WDR62: variants seen among roughly 807,000 people sequenced by gnomAD.
WDR62 encodes the protein WD repeat-containing protein 62.
Under a neutral mutation model 160.6 loss-of-function variants are expected in WDR62, and 112 were observed. That is an observed-to-expected ratio of 0.70 (90% CI 0.60 to 0.82). The LOEUF (loss-of-function observed/expected upper bound fraction) is 0.82, where lower values mean the gene tolerates loss of function less well. WDR62 is among the 40% of genes least tolerant of loss of function. The pLI is 0.00. For synonymous variants in WDR62, 792 were observed against 815.1 expected, an observed-to-expected ratio of 0.97 and a Z score of 0.48; for missense variants, 1,819 against 1,983.8, an observed-to-expected ratio of 0.92 and a Z score of 1.58.
chr19:36,109,010 G>T (rs576515004), downstream of WDR62, among the ~76,000 whole-genome samples: 26 of 152,226 alleles, frequency 1.7e-4, no homozygotes, highest in African/African-American at 6.0e-4. Flanking sequence ...TCCAGGTGAA[G>T]AAACCGAGGC....
rs1409862312 is a variant in WDR62, at chr19:36,101,602, C to T, written c.2972-62C>T. 5 of 1,322,130 alleles carry T rather than the reference C, an allele frequency of 3.8e-6. No homozygotes were observed. In the African/African-American group the frequency reaches 5.8e-5, roughly 15 times the overall value. The allele number at this position is 1,322,130 out of a possible 1,614,324, so 81.9% of individuals were successfully genotyped here. A position where few individuals can be genotyped will look rare whatever the true frequency, so the allele number is the denominator to read the frequency against. The stretch of plus-strand genomic sequence containing the variant: ...GAAACTGAGCCCAGGGAAGGGTAGC[C>T]CTGGCCCTGGCTCACCAGAATGGTC... On this transcript the variant is annotated intron_variant, in intron 24 of 31. Coordinates refer to ENST00000401500, the MANE Select transcript of WDR62 (RefSeq NM_001083961.2).
At chr19:36,081,129 G>A (rs555148372) in intron 9 of WDR62, among the ~76,000 whole-genome samples, 17 of 152,290 alleles carry the variant, frequency 1.1e-4, no homozygotes, top group Non-Finnish European at 2.4e-4. Context: ...AGACTCTGTT[G>A]CTTCTGCTGC....
chr19:36,103,773 C>T lies in WDR62; in HGVS notation c.3945C>T (p.Thr1315=). ...CDGLLQPPVD[T]QPGVTVPAVS... ...GGCTCCTGCAGCCCCCCGTGGATAC[C>T]CAGCCTGGCGTCACCGTCCCTGCAG... Residue 1315 remains threonine (T), a synonymous_variant, in exon 30 of 32, where the codon ACC becomes ACT. Transcript: ENST00000401500. The T allele has an allele frequency of 6.2e-7, 1 of 1,610,706 alleles. No individual in the cohort carries two copies.
Position 36,067,403 on chromosome 19 carries a change from A to T in WDR62, c.659A>T (p.His220Leu). ...SSYFVTVGNR[H>L]VRFWFLEVST... ...TATTTTGTCACTGTTGGGAACCGCC[A>T]TGTGAGGTTCTGGTTCTTGGAAGTC... The change falls in exon 6 of 32, where the codon CAT (histidine) becomes CTT (leucine). Residue 220 changes from histidine to leucine, a missense_variant. Around this residue, in one of 3 missense-constraint regions of WDR62, gnomAD observed 934 missense variants for 1,157.2 expected, o/e 0.81. Transcript: ENST00000401500. 1 of 1,614,174 alleles carries T rather than the reference A, an allele frequency of 6.2e-7. No individual in the cohort carries two copies. The highest frequency in any genetic ancestry group is 1.7e-5 in the Admixed American group (1 of 60,034).
At chr19:36,060,245 G>A in intron 3 of WDR62, 1 of 604,718 alleles carries the variant, frequency 1.7e-6, no homozygotes, top group Non-Finnish European at 3.0e-6. Flanking sequence ...GAGCGAGACA[G>A]ACTGTAAACT....
Position 36,103,076 on chromosome 19 carries a change from T to G in WDR62, c.3462+2T>G. 2.5e-6 allele frequency: 4 copies of G among 1,613,986 alleles called. No homozygotes were observed. Among genetic ancestry groups the G allele is most frequent in the Non-Finnish European group, 3.4e-6 (4 of 1,180,020 alleles). ...TACGCCTCCCCAGACAGGACCCACG[T>G]GAGTATTGGGCCCACCTCCGTCAGG... is the stretch of plus-strand genomic sequence containing the variant. On this transcript the variant is annotated splice_donor_variant, in intron 28 of 31. Coordinates refer to ENST00000401500, the MANE Select transcript of WDR62 (RefSeq NM_001083961.2). LOFTEE classifies it high-confidence loss of function.
chr19:36,089,895 A>T (rs1441828681), intron 15 of WDR62, among the ~76,000 whole-genome samples: 1 of 152,178 alleles, frequency 6.6e-6, no homozygotes, highest in Non-Finnish European at 1.5e-5. Context: ...TTCCCTGAGC[A>T]CCTAACTGGG....
At chr19:36,095,009 T>TTAA (rs1377779622) in intron 20 of WDR62, among the ~76,000 whole-genome samples, 1 of 152,168 alleles carries the variant, frequency 6.6e-6, no homozygotes, top group Non-Finnish European at 1.5e-5. Flanking sequence ...CCAGCCTGAA[T>TTAA]AATAGAGTGA....
At position 36,089,248 on chromosome 19, in the gene WDR62, A is replaced by G; in HGVS notation, c.1900A>G (p.Met634Val). The G allele has an allele frequency of 6.2e-7, 1 of 1,614,184 alleles. No individual in the cohort carries two copies. The highest frequency in any genetic ancestry group is 8.5e-7 in the Non-Finnish European group (1 of 1,180,024). ...AGCAGAGAAAACCACCTTGTATGAC[A>G]TGGACATTGACATCACCCAGAAGTA... ...HVAEKTTLYD[M>V]DIDITQKYVA... The change falls in exon 15 of 32, where the codon ATG becomes GTG. Residue 634 changes from methionine (M) to valine (V), a missense_variant. Met to Val is a conservative substitution (Grantham distance 21). This residue lies in a region of WDR62 where 934 missense variants were observed against 1,157.2 expected (regional missense o/e 0.81). Transcript: ENST00000401500.
chr19:36,101,038 G>A (rs1000335593), intron 23 of WDR62, among the ~76,000 whole-genome samples, 163 bp downstream of exon 23: 2 of 152,176 alleles, frequency 1.3e-5, no homozygotes, highest in Non-Finnish European at 1.5e-5. Context: ...GGTTCCAGGT[G>A]GGGTACAGGA....
chr19:36,096,917 C>A, intron 20 of WDR62, 110 bp from the exon 21 acceptor site: 1 of 951,132 alleles, frequency 1.1e-6, no homozygotes, highest in Non-Finnish European at 1.7e-6. Context: ...TGCTGTTGAG[C>A]CTTCTGACTT....
intron 9 of WDR62, among the ~76,000 whole-genome samples, chr19:36,077,770 T>A (rs1262564535): frequency 6.6e-6 from 1 of 151,616 alleles, no homozygotes; most frequent in South Asian, 2.1e-4. Flanking sequence ...GAATTTTTTG[T>A]ATTTTAGTAG....
intron 19 of WDR62, among the ~76,000 whole-genome samples, chr19:36,093,779 C>T (rs1440745896): frequency 6.6e-6 from 1 of 152,240 alleles, no homozygotes; most frequent in Non-Finnish European, 1.5e-5. Context: ...GTCTGCTTGG[C>T]TTTCTGTCCC....
At chr19:36,063,162 C>T (rs1162206244) in intron 3 of WDR62, among the ~76,000 whole-genome samples, 2 of 152,194 alleles carry the variant, frequency 1.3e-5, no homozygotes, top group African/African-American at 4.8e-5. Flanking sequence ...CCAGGATGGT[C>T]TCGATCTCCT....
At chr19:36,058,177 C>T (rs892599861) in intron 1 of WDR62, among the ~76,000 whole-genome samples, 21 of 152,086 alleles carry the variant, frequency 1.4e-4, no homozygotes, top group Non-Finnish European at 2.9e-4. Flanking sequence ...CATGGTGAAA[C>T]CCCATCTCTA....
Position 36,086,819 on chromosome 19 carries a change from C to G in WDR62, c.1768+7C>G. On this transcript the variant is annotated splice_region_variant and intron_variant, in intron 13 of 31. Coordinates refer to ENST00000401500, the MANE Select transcript of WDR62 (RefSeq NM_001083961.2). ...ACCGCCATCAAGTTCGCTGGTGAGC[C>G]CCTTTCTTCCCGCTCCCTGCGCCTT... 6.2e-7 allele frequency: 1 copy of G among 1,608,730 alleles called. No homozygotes were observed. The highest frequency in any genetic ancestry group is 2.2e-5 in the East Asian group (1 of 44,722).
rs1281481749 is a variant in WDR62, at chr19:36,084,713, G to A, written c.1611G>A (p.Val537=). The change falls in exon 12 of 32, where the codon GTG becomes GTA. Residue 537 remains valine, a synonymous_variant. Transcript: ENST00000401500. ...LVKVEAHDAE[V]LCLEYSKPET... ...AGGTGGAGGCCCATGATGCTGAGGT[G>A]CTGTGCCTGGAGTACTCCAAGCCAG... The A allele has an allele frequency of 6.2e-7, 1 of 1,613,790 alleles. No homozygotes were observed. Among genetic ancestry groups the A allele is most frequent in the Admixed American group, 1.7e-5 (1 of 60,004 alleles).
Position 36,103,289 on chromosome 19 carries a change from G to A in WDR62, c.3515-54G>A, listed in dbSNP as rs116207729. 1.3e-3 allele frequency: 2,167 copies of A among 1,612,254 alleles called. 31 individuals are homozygous for A. In the African/African-American group the frequency reaches 0.026, roughly 20 times the overall value. ...TCCAGCCTAGCTGTGGGGCGTGGGG[G>A]CCCTAGCCATCAGTTCTGTGTGGTG... On this transcript the variant is annotated intron_variant, in intron 29 of 31. Coordinates refer to ENST00000401500, the MANE Select transcript of WDR62 (RefSeq NM_001083961.2).
At chr19:36,083,455 A>C (rs1972023324) in intron 11 of WDR62, among the ~76,000 whole-genome samples, 1 of 152,224 alleles carries the variant, frequency 6.6e-6, no homozygotes. Context: ...GGACCTCAGC[A>C]GCTAGGGTGT....
Sources: gnomAD v4.1 joint callset for allele counts (sites outside exome capture counted in the v4.1 genomes callset) on GRCh38, gnomAD v4.1.1 for gene constraint, gnomAD v4.1.1 regional missense constraint, MANE v1.5 for transcripts, NCBI Gene and HGNC (gene_info 2026-07-23, HGNC 2026-07-21) for gene names.